The following RGS5 variants were observed in gnomAD, a reference collection of about 807,000 sequenced individuals.
RGS5 encodes the protein regulator of G-protein signalling 5.
Under a neutral mutation model 18.9 loss-of-function variants are expected in RGS5, and 20 were observed. The ratio of observed to expected loss-of-function variants is 1.06; its 90% CI spans 0.74 to 1.54. RGS5 has a LOEUF of 1.54. Among genes scored for constraint, RGS5 ranks in the 40% most tolerant of loss-of-function variants. The pLI is 0.00. For synonymous variants in RGS5, 57 were observed against 76.2 expected (o/e 0.75, Z 1.31); for missense variants, 201 against 211.8 (o/e 0.95, Z 0.32).
At chr1:163,223,539 T>C (rs998307140) in intron 2 of RGS5, among the ~76,000 whole-genome samples, 2 of 152,154 alleles carry the variant, frequency 1.3e-5, no homozygotes, top group African/African-American at 4.8e-5. Flanking sequence ...AGCATTCCTA[T>C]ATCTCCAAAC....
chr1:163,149,690 A>G (rs12095393), intron 4 of RGS5, among the ~76,000 whole-genome samples: 31,615 of 152,080 alleles, frequency 0.21, 5,456 homozygotes, highest in African/African-American at 0.48. Context: ...TTTAAATTTA[A>G]TTCCAATTTT....
At chr1:163,198,716 C>T (rs75334494) in intron 1 of RGS5, among the ~76,000 whole-genome samples, 268 of 152,290 alleles carry the variant, frequency 1.8e-3, no homozygotes, top group Middle Eastern at 3.4e-3. Flanking sequence ...ACTATAGCCT[C>T]AGACTCCTGG....
At chr1:163,226,601 G>C (rs183924410) in intron 2 of RGS5, among the ~76,000 whole-genome samples, 1 of 152,170 alleles carries the variant, frequency 6.6e-6, no homozygotes, top group Non-Finnish European at 1.5e-5. Flanking sequence ...ACCCTAATAA[G>C]TATGCTTAAT....
chr1:163,190,340 A>T (rs1659291315), intron 1 of RGS5, among the ~76,000 whole-genome samples: 1 of 152,178 alleles, frequency 6.6e-6, no homozygotes, highest in South Asian at 2.1e-4. Flanking sequence ...CATTAATTTA[A>T]ACTACCTTTA....
chr1:163,229,580 C>CGAGAG (rs1647424874), intron 2 of RGS5, among the ~76,000 whole-genome samples: 2 of 152,214 alleles, frequency 1.3e-5, no homozygotes, highest in African/African-American at 4.8e-5. Context: ...ACTCTGTCTT[C>CGAGAG]TACTCCCCTT....
At chr1:163,290,006 T>G (rs572752107) in intron 2 of RGS5, among the ~76,000 whole-genome samples, 13 of 152,316 alleles carry the variant, frequency 8.5e-5, no homozygotes, top group African/African-American at 3.1e-4. Context: ...TCTTCCATTT[T>G]CTTTGTTGCC....
At chr1:163,209,557 T>C (rs1660050709) in intron 1 of RGS5, among the ~76,000 whole-genome samples, 1 of 152,090 alleles carries the variant, frequency 6.6e-6, no homozygotes, top group Non-Finnish European at 1.5e-5. Flanking sequence ...CTGCCAAGAG[T>C]GTTTTATAAT....
chr1:163,255,234 T>C (rs557530783), intron 2 of RGS5, among the ~76,000 whole-genome samples: 1,774 of 152,296 alleles, frequency 0.012, 14 homozygotes, highest in Non-Finnish European at 0.018. Context: ...TAAATTACCT[T>C]GGGCAGTATG....
chr1:163,255,890 G>A (rs905558605), intron 2 of RGS5, among the ~76,000 whole-genome samples: 8 of 152,074 alleles, frequency 5.3e-5, no homozygotes, highest in African/African-American at 1.7e-4. Context: ...TGCAGAAAAG[G>A]CCTTTGACAA....
intron 2 of RGS5, among the ~76,000 whole-genome samples, chr1:163,300,883 T>C (rs996759188): frequency 3.3e-5 from 5 of 152,158 alleles, no homozygotes; most frequent in African/African-American, 7.2e-5. Context: ...ACCAAGTGTA[T>C]TGACTCTGAA....
intron 2 of RGS5, chr1:163,238,553 T>C (rs150860608): frequency 6.2e-6 from 1 of 161,530 alleles, no homozygotes; most frequent in East Asian, 1.9e-4. Flanking sequence ...TCCACTTTTA[T>C]GGGACAATTG....
intron 2 of RGS5, among the ~76,000 whole-genome samples, chr1:163,226,504 A>G (rs1647338961): frequency 6.6e-6 from 1 of 152,138 alleles, no homozygotes; most frequent in South Asian, 2.1e-4. Flanking sequence ...TCTGGTCTCC[A>G]AAAGAGGGCA....
chr1:163,234,956 A>G (rs1281952756), intron 2 of RGS5, among the ~76,000 whole-genome samples: 1 of 152,228 alleles, frequency 6.6e-6, no homozygotes, highest in African/African-American at 2.4e-5. Context: ...GCTACAAGAT[A>G]TCACTGTGCC....
At chr1:163,239,821 C>T (rs200552741) in intron 2 of RGS5, among the ~76,000 whole-genome samples, 16 of 151,872 alleles carry the variant, frequency 1.1e-4, no homozygotes, top group Non-Finnish European at 1.9e-4. Context: ...TCTATGTAGA[C>T]GTTTTTTAAA....
chr1:163,187,667 G>A (rs554209427), intron 1 of RGS5, among the ~76,000 whole-genome samples: 1 of 152,264 alleles, frequency 6.6e-6, no homozygotes, highest in Admixed American at 6.5e-5. Flanking sequence ...GTACCAGGTA[G>A]GGCATAGGAA....
chr1:163,189,313 C>G lies in RGS5; in HGVS notation c.44+13479G>C, dbSNP rs115026590. On this transcript the variant is annotated intron_variant, in intron 1 of 4. Coordinates refer to ENST00000313961, the MANE Select transcript of RGS5 (RefSeq NM_003617.4). ...TAATAAAAACGATAAGAGTAGTTAACAAGAGGATGGCAAAGGGCAGAAGGA... is the reference window on the plus strand; with the variant it reads ...TAATAAAAACGATAAGAGTAGTTAAGAAGAGGATGGCAAAGGGCAGAAGGA... Among the ~76,000 whole-genome samples the G allele has an allele frequency of 5.8e-3, 884 of 152,238 alleles. 8 individuals carry two copies. The highest frequency in any genetic ancestry group is 0.02 in the African/African-American group (844 of 41,512).
intron 2 of RGS5, among the ~76,000 whole-genome samples, chr1:163,234,030 G>A (rs1647554994): frequency 1.3e-5 from 2 of 152,136 alleles, no homozygotes; most frequent in South Asian, 4.1e-4. Flanking sequence ...GGGCTCAGGG[G>A]CCTGACAATC....
At chr1:163,320,500 C>T (rs1481839593) in intron 1 of RGS5, among the ~76,000 whole-genome samples, 1 of 152,106 alleles carries the variant, frequency 6.6e-6, no homozygotes, top group Non-Finnish European at 1.5e-5. Context: ...TCCCTTTGAC[C>T]GTAGAGATGT....
chr1:163,160,279 C>G (rs999553033), intron 3 of RGS5, among the ~76,000 whole-genome samples: 4 of 152,094 alleles, frequency 2.6e-5, no homozygotes, highest in African/African-American at 9.7e-5. Flanking sequence ...CAATAAATAC[C>G]TGTGCTCAGA....
Sources: gnomAD v4.1 joint callset for allele counts (sites outside exome capture counted in the v4.1 genomes callset) on GRCh38, gnomAD v4.1.1 for gene constraint, MANE v1.5 for transcripts, NCBI Gene and HGNC (gene_info 2026-07-23, HGNC 2026-07-21) for gene names.